Variants in KIF13B observed in about 807,000 individuals in gnomAD.
KIF13B encodes kinesin family member 13B.
A neutral mutation model predicts 222.0 loss-of-function variants in KIF13B; 127 were observed. That is an observed-to-expected ratio of 0.57 (90% CI 0.50 to 0.66). The LOEUF (loss-of-function observed/expected upper bound fraction) is 0.66. Ranked by LOEUF, KIF13B falls within the 30% of genes least tolerant of loss-of-function variation. The pLI, the probability that KIF13B is intolerant of heterozygous loss-of-function variation, is 0.00. For missense variants in KIF13B, 2,173 were observed against 2,379.0 expected (o/e 0.91, Z 1.80); for synonymous variants, 976 against 919.0 (o/e 1.06, Z -1.12).
At position 29,188,888 on chromosome 8, in the gene KIF13B, T is replaced by C. The variant is rs549725083; in HGVS notation, c.224-281A>G. Among the ~76,000 whole-genome samples, 26 of 152,314 alleles carry C rather than the reference T, an allele frequency of 1.7e-4. No individual in the cohort carries two copies. In the South Asian group the frequency reaches 5.4e-3, roughly 32 times the overall value. Reference sequence around the variant, plus strand: ...AATGAGCTGCTCACTTTATAATCAATGATTATAAATATCTGAAATTTATAC... The same window carrying C: ...AATGAGCTGCTCACTTTATAATCAACGATTATAAATATCTGAAATTTATAC... On this transcript the variant is annotated intron_variant, in intron 4 of 39. Coordinates refer to ENST00000524189, the MANE Select transcript of KIF13B (RefSeq NM_015254.4).
chr8:29,263,209 C>A, upstream of KIF13B: 1 of 581,394 alleles, frequency 1.7e-6, no homozygotes. Flanking sequence ...TTGTAGTTCC[C>A]CAGGGTCGTC....
intron 29 of KIF13B, among the ~76,000 whole-genome samples, chr8:29,120,449 G>A (rs1809814667): frequency 2.9e-5 from 1 of 34,782 alleles, no homozygotes; most frequent in Non-Finnish European, 5.5e-5. Context: ...TTGTTCTTGC[G>A]ATAGTTTACT....
Position 29,070,728 on chromosome 8 carries a change from T to G in KIF13B, c.5257A>C (p.Arg1753=). ...AGCAGCCCGTAGCCAGGGTTACACCTGAAGTACTGCTTCCCGCCGATGGAA... is the reference window on the plus strand; with the variant it reads ...AGCAGCCCGTAGCCAGGGTTACACCGGAAGTACTGCTTCCCGCCGATGGAA... ...DGSIGGKQYF[R]CNPGYGLLVR... is the part of the protein sequence containing the mutation. Residue 1753 remains arginine, a synonymous_variant, in exon 40 of 40, where the codon AGG becomes CGG. Transcript: ENST00000524189. The surrounding 1 kb of genome is among the most constrained non-coding windows in gnomAD (Gnocchi z 4.1). The G allele has an allele frequency of 6.4e-7, 1 of 1,564,712 alleles. No individual in the cohort carries two copies. The highest frequency in any genetic ancestry group is 8.7e-7 in the Non-Finnish European group (1 of 1,155,188).
In KIF13B at chr8:29,249,424, C is replaced by A. The variant is rs150034696; in HGVS notation, c.56-3985G>T. Among the ~76,000 whole-genome samples the A allele has an allele frequency of 1.3e-3, 168 of 132,270 alleles. No homozygotes were observed. The East Asian group carries it at 0.026, about 21-fold the overall frequency. The allele number at this position is 132,270 out of a possible 152,430, so 86.8% of individuals were successfully genotyped here. A position where few individuals can be genotyped will look rare whatever the true frequency, so the allele number is the denominator to read the frequency against. On this transcript the variant is annotated intron_variant, in intron 1 of 39. Transcript: ENST00000524189. ...CAGCCTGGGCGACAGAGCAAGACTC[C>A]GTCTTTAAAAAAAAAAAAAAAAAAA...
At chr8:29,114,418 C>T (rs1291307110) in intron 31 of KIF13B, among the ~76,000 whole-genome samples, 1 of 152,164 alleles carries the variant, frequency 6.6e-6, no homozygotes, top group African/African-American at 2.4e-5. Context: ...CCATTTATGT[C>T]ATTAATTCTC....
At chr8:29,092,560 G>A (rs922705888) in intron 37 of KIF13B, among the ~76,000 whole-genome samples, 185 bp downstream of exon 37, 14 of 152,216 alleles carry the variant, frequency 9.2e-5, no homozygotes, top group Non-Finnish European at 1.5e-4. Flanking sequence ...GAGTGTGTCC[G>A]TAAGTTTAAA....
intron 37 of KIF13B, among the ~76,000 whole-genome samples, chr8:29,078,999 G>A (rs1469734539): frequency 1.3e-5 from 2 of 152,186 alleles, no homozygotes; most frequent in African/African-American, 2.4e-5. Context: ...GAACACATGG[G>A]AGATGAGGTC....
Position 29,075,341 on chromosome 8 carries a change from G to C in KIF13B, c.4461C>G (p.Pro1487=). The C allele has an allele frequency of 1.3e-6, 2 of 1,557,464 alleles. No individual in the cohort carries two copies. Among genetic ancestry groups the C allele is most frequent in the Non-Finnish European group, 1.7e-6 (2 of 1,150,140 alleles). Residue 1487 remains proline, a splice_region_variant and synonymous_variant, in exon 38 of 40, where the codon CCC becomes CCG. Coordinates refer to ENST00000524189, the MANE Select transcript of KIF13B (RefSeq NM_015254.4). ...GKRPSPLAHQ[P]VPRIMVQSAS... is the part of the protein sequence containing the mutation. ...CTGACTGCACCATGATGCGGGGCAC[G>C]GGCTGAGGAGGCAAGTGTGCAGGTC...
intron 13 of KIF13B, among the ~76,000 whole-genome samples, chr8:29,160,495 AAAT>A (rs1811726655): frequency 6.6e-6 from 1 of 152,148 alleles, no homozygotes; most frequent in Non-Finnish European, 1.5e-5. Flanking sequence ...AAATCACGTT[AAAT>A]AATGGTAGGT....
rs148090874 is a variant in KIF13B, at chr8:29,186,405, A to G, written c.384T>C (p.Ser128=). ...DQPGLIPRLC[S]GLFERTQKEE... ...CTTTCTGAGTTCGTTCAAAGAGTCCACTGCAAAGTCTTGGGATTAATCCAG... is the reference window on the plus strand; with the variant it reads ...CTTTCTGAGTTCGTTCAAAGAGTCCGCTGCAAAGTCTTGGGATTAATCCAG... Residue 128 remains serine, a synonymous_variant, in exon 6 of 40, where the codon AGT becomes AGC. Coordinates refer to ENST00000524189, the MANE Select transcript of KIF13B (RefSeq NM_015254.4). 6.2e-7 allele frequency: 1 copy of G among 1,613,904 alleles called. No individual in the cohort carries two copies. Among genetic ancestry groups the G allele is most frequent in the African/African-American group, 1.3e-5 (1 of 75,048 alleles).
At position 29,160,742 on chromosome 8, in the gene KIF13B, G is replaced by A. The variant is rs1811740334; in HGVS notation, c.1395C>T (p.Tyr465=). The change falls in exon 13 of 40, where the codon TAC becomes TAT. Residue 465 remains tyrosine (Y), a synonymous_variant. Transcript: ENST00000524189. ...AAGCACATTACTTCACCTTTAAATA[G>A]TACACCAGAAGCTCATTCAGAGCTG... ...ADPALNELLV[Y]YLKEHTLIGS... 1 of 1,613,136 alleles carries A rather than the reference G, an allele frequency of 6.2e-7. No homozygotes were observed. Among genetic ancestry groups the A allele is most frequent in the Non-Finnish European group, 8.5e-7 (1 of 1,179,452 alleles).
At position 29,146,538 on chromosome 8, in the gene KIF13B, T is replaced by C. The variant is rs1008738684; in HGVS notation, c.2027A>G (p.Glu676Gly). The C allele has an allele frequency of 1.2e-6, 2 of 1,611,032 alleles. No homozygotes were observed. The highest frequency in any genetic ancestry group is 2.7e-5 in the African/African-American group (2 of 74,566). Residue 676 changes from glutamate to glycine, a missense_variant and splice_region_variant, in exon 18 of 40, where the codon GAA (glutamate) becomes GGA (glycine). Coordinates refer to ENST00000524189, the MANE Select transcript of KIF13B (RefSeq NM_015254.4). ...CATCAGGCTGTTATTCAACGTTGCTTCTCTAAAAAAAAATAAAGAAGCGGC... is the reference window on the plus strand; with the variant it reads ...CATCAGGCTGTTATTCAACGTTGCTCCTCTAAAAAAAAATAAAGAAGCGGC... ...QRLRQWAEER[E>G]ATLNNSLMRL...
intron 21 of KIF13B, among the ~76,000 whole-genome samples, chr8:29,136,761 T>C (rs2129887000): frequency 6.7e-6 from 1 of 150,168 alleles, no homozygotes. Flanking sequence ...ACCACACCAA[T>C]GAAATGAAAT....
At chr8:29,075,401 G>A in intron 37 of KIF13B, 58 bp from the exon 38 acceptor site, 3 of 1,465,716 alleles carry the variant, frequency 2.0e-6, no homozygotes, top group Admixed American at 4.2e-5. Context: ...GTAGCAGAAA[G>A]GTTTCCGCTG....
chr8:29,167,359 G>A lies in KIF13B; in HGVS notation c.1158+14C>T, dbSNP rs755943594. The A allele has an allele frequency of 6.2e-7, 1 of 1,603,236 alleles. No individual in the cohort carries two copies. The highest frequency in any genetic ancestry group is 1.7e-5 in the Admixed American group (1 of 59,802). On this transcript the variant is annotated intron_variant, in intron 11 of 39. Coordinates refer to ENST00000524189, the MANE Select transcript of KIF13B (RefSeq NM_015254.4). ...TTCCTGGACTCACAGGGCGCACGCG[G>A]TGGTGCCTCCTACCTCTGCTTTGGT...
chr8:29,131,173 T>A (rs569502244), intron 23 of KIF13B, among the ~76,000 whole-genome samples: 1 of 150,108 alleles, frequency 6.7e-6, no homozygotes, highest in African/African-American at 2.5e-5. Context: ...CTCCCAGGAG[T>A]TGGGGAGCAG....
chr8:29,080,891 G>A (rs1807779676), intron 37 of KIF13B, among the ~76,000 whole-genome samples: 1 of 152,146 alleles, frequency 6.6e-6, no homozygotes, highest in Admixed American at 6.5e-5. Context: ...AATCCCTGCT[G>A]AGGATTCTAC....
At chr8:29,256,062 T>G (rs1313171322) in intron 1 of KIF13B, among the ~76,000 whole-genome samples, 1 of 152,194 alleles carries the variant, frequency 6.6e-6, no homozygotes, top group African/African-American at 2.4e-5. Flanking sequence ...TCCATCCACC[T>G]GGCTGCACTT....
In KIF13B at chr8:29,160,777, T is replaced by G; in HGVS notation, c.1360A>C (p.Asn454His). 6.2e-7 allele frequency: 1 copy of G among 1,613,662 alleles called. No homozygotes were observed. Among genetic ancestry groups the G allele is most frequent in the Non-Finnish European group, 8.5e-7 (1 of 1,179,706 alleles). Residue 454 changes from asparagine to histidine, a missense_variant, in exon 13 of 40, where the codon AAT (asparagine) becomes CAT (histidine). Asn to His is a moderately conservative substitution (Grantham distance 68, BLOSUM62 1). Around this residue, in one of 2 missense-constraint regions of KIF13B, gnomAD observed 1,480 missense variants for 1,722.8 expected, o/e 0.86. Coordinates refer to ENST00000524189, the MANE Select transcript of KIF13B (RefSeq NM_015254.4). ...GDDKCFLVNL[N>H]ADPALNELLV... is the part of the protein sequence containing the mutation. ...AGCTCATTCAGAGCTGGGTCAGCAT[T>G]CAGATTCACAAGGAAGCATTTATCA...
Sources: gnomAD v4.1 joint callset for allele counts (sites outside exome capture counted in the v4.1 genomes callset) on GRCh38, gnomAD v4.1.1 for gene constraint, gnomAD v4.1.1 regional missense constraint, Gnocchi (gnomAD v3.1) non-coding constraint, MANE v1.5 for transcripts, NCBI Gene and HGNC (gene_info 2026-07-23, HGNC 2026-07-21) for gene names.